The following BNC2 variants were observed in gnomAD, a reference collection of about 807,000 sequenced individuals.
The protein encoded by BNC2 is zinc finger protein basonuclin-2.
A neutral mutation model predicts 76.3 loss-of-function variants in BNC2; 20 were observed. The observed-to-expected ratio is 0.26, with a 90% CI of 0.18 to 0.38. The LOEUF (loss-of-function observed/expected upper bound fraction) is 0.38. Among genes scored for constraint, BNC2 ranks in the 10% least tolerant of loss-of-function variants. The pLI is 1.00. For synonymous variants in BNC2, 582 were observed against 514.8 expected (o/e 1.13, Z -1.77); for missense variants, 1,382 against 1,399.8 (o/e 0.99, Z 0.20).
intron 3 of BNC2, among the ~76,000 whole-genome samples, chr9:16,602,813 C>T (rs1820280594): frequency 6.6e-6 from 1 of 152,178 alleles, no homozygotes; most frequent in South Asian, 2.1e-4. Flanking sequence ...AACATTTTTA[C>T]ATTTCTGTTT....
intron 3 of BNC2, among the ~76,000 whole-genome samples, chr9:16,664,704 C>CAA (rs60928607): frequency 1.8e-4 from 26 of 147,600 alleles, no homozygotes; most frequent in Admixed American, 8.7e-4. Context: ...AAAACAAAAA[C>CAA]AAAAAAAACA....
At chr9:16,793,873 T>G (rs1238288121) in intron 1 of BNC2, among the ~76,000 whole-genome samples, 1 of 143,252 alleles carries the variant, frequency 7.0e-6, no homozygotes, top group African/African-American at 2.5e-5. Context: ...TTTTTGTTTT[T>G]TTTTTTTTTT....
intron 3 of BNC2, among the ~76,000 whole-genome samples, chr9:16,684,867 C>A (rs1224535625): frequency 6.8e-6 from 1 of 147,644 alleles, no homozygotes; most frequent in Non-Finnish European, 1.5e-5. Flanking sequence ...CAAGACCATA[C>A]AAAACGAACT....
At chr9:16,447,145 T>C (rs1275149795) in intron 5 of BNC2, among the ~76,000 whole-genome samples, 1 of 152,146 alleles carries the variant, frequency 6.6e-6, no homozygotes, top group Non-Finnish European at 1.5e-5. Flanking sequence ...AGTTTCAAAA[T>C]AGAAAATACT....
At chr9:16,591,015 G>C (rs543351062) in intron 3 of BNC2, among the ~76,000 whole-genome samples, 3 of 152,158 alleles carry the variant, frequency 2.0e-5, no homozygotes, top group African/African-American at 7.2e-5. Context: ...TATAGGTTGT[G>C]TATGATATGC....
At chr9:16,805,874 T>TA (rs1395457185) in intron 1 of BNC2, among the ~76,000 whole-genome samples, 1 of 152,224 alleles carries the variant, frequency 6.6e-6, no homozygotes, top group Admixed American at 6.5e-5. Context: ...TAAATACTGA[T>TA]ACATTAAGAT....
intron 3 of BNC2, among the ~76,000 whole-genome samples, chr9:16,682,792 C>T (rs547500649): frequency 6.6e-6 from 1 of 152,242 alleles, no homozygotes; most frequent in Non-Finnish European, 1.5e-5. Flanking sequence ...ATCCTGAATT[C>T]CCAACCAAGA....
intron 2 of BNC2, among the ~76,000 whole-genome samples, chr9:16,735,406 A>C (rs368182413): frequency 7.5e-4 from 91 of 121,722 alleles, no homozygotes; most frequent in Middle Eastern, 4.1e-3. Context: ...TAAAAAAAAA[A>C]AAAAAAAAAA....
At chr9:16,639,379 C>G (rs1218610412) in intron 3 of BNC2, among the ~76,000 whole-genome samples, 1 of 152,186 alleles carries the variant, frequency 6.6e-6, no homozygotes, top group African/African-American at 2.4e-5. Flanking sequence ...AGCTCAGTGT[C>G]TGGCATGTTT....
Position 16,418,664 on chromosome 9 carries a change from C to CTGTGTGTGTGTGTGTGTGTGTG in BNC2, c.*303_*324dup, listed in dbSNP as rs139823578. On this transcript the variant is annotated 3_prime_UTR_variant, in exon 7 of 7. Coordinates refer to ENST00000380672, the MANE Select transcript of BNC2 (RefSeq NM_017637.6). ...TGTCAAAACTGGGGCTAGTTGCACA[C>CTGTGTGTGTGTGTGTGTGTGTG]TGTGTGTGTGTGTGTGTGTGTGTGT... 65 of 214,858 alleles carry CTGTGTGTGTGTGTGTGTGTGTG rather than the reference C, an allele frequency of 3.0e-4. No homozygotes were observed. Among genetic ancestry groups the CTGTGTGTGTGTGTGTGTGTGTG allele is most frequent in the African/African-American group, 1.3e-3 (55 of 40,776 alleles). 13.3% of individuals were successfully genotyped at this position (214,858 alleles called of 1,614,324 possible).
chr9:16,812,857 A>T (rs1179475864), intron 1 of BNC2, among the ~76,000 whole-genome samples: 1 of 152,242 alleles, frequency 6.6e-6, no homozygotes, highest in African/African-American at 2.4e-5. Flanking sequence ...ACACACACTT[A>T]GTAGTATATT....
Position 16,436,874 on chromosome 9 carries a change from T to C in BNC2, c.1320A>G (p.Arg440=). ...RRMGSASRKG[R]VFCNACGKTF... ...TCTTCCCACATGCATTACAGAACAC[T>C]CTTCCTTTCCTAGAGGCTGACCCCA... Residue 440 remains arginine (R), a synonymous_variant, in exon 6 of 7, where the codon AGA becomes AGG. Transcript: ENST00000380672. 6.2e-7 allele frequency: 1 copy of C among 1,614,144 alleles called. No homozygotes were observed. The highest frequency in any genetic ancestry group is 1.1e-5 in the South Asian group (1 of 91,078).
rs1449180654 is a variant in BNC2, at chr9:16,791,837, T to C, written c.4-53352A>G. 2.6e-5 allele frequency among the ~76,000 whole-genome samples: 4 copies of C among 152,274 alleles called. No homozygotes were observed. In the East Asian group the frequency reaches 7.7e-4, roughly 29 times the overall value. On this transcript the variant is annotated intron_variant, in intron 1 of 6. Transcript: ENST00000380672. ...TCAACTAGAGGCCAGGCACGGCGGC[T>C]CACACCTGTAACCCCATCACTTTGG...
chr9:16,700,643 G>C (rs1266031949), intron 3 of BNC2, among the ~76,000 whole-genome samples: 2 of 152,070 alleles, frequency 1.3e-5, no homozygotes, highest in Non-Finnish European at 2.9e-5. Context: ...TTACCCCACA[G>C]TCTTTCATAA....
intron 5 of BNC2, among the ~76,000 whole-genome samples, chr9:16,550,808 TAAAG>T (rs1265082126): frequency 6.6e-6 from 1 of 152,198 alleles, no homozygotes; most frequent in East Asian, 1.9e-4. Context: ...TGGTTTGGAA[TAAAG>T]AAAGGACTGT....
intron 1 of BNC2, among the ~76,000 whole-genome samples, chr9:16,850,306 T>C (rs1819099130): frequency 6.6e-6 from 1 of 152,218 alleles, no homozygotes; most frequent in Non-Finnish European, 1.5e-5. Context: ...TGGAATGATA[T>C]TTATAAGCAT....
chr9:16,763,369 T>C (rs1270608002), intron 1 of BNC2, among the ~76,000 whole-genome samples: 1 of 151,832 alleles, frequency 6.6e-6, no homozygotes, highest in Non-Finnish European at 1.5e-5. Context: ...CAAGAGTTCA[T>C]GACCAGCCTG....
intron 3 of BNC2, among the ~76,000 whole-genome samples, chr9:16,656,907 A>G (rs1319163498): frequency 3.9e-5 from 6 of 152,186 alleles, no homozygotes; most frequent in African/African-American, 1.4e-4. Context: ...GTCAGTTGCC[A>G]TTTAAAATTG....
chr9:16,699,067 T>C, intron 3 of BNC2: 3 of 406,082 alleles, frequency 7.4e-6, no homozygotes, highest in South Asian at 5.6e-5. Flanking sequence ...TAAGATGGTA[T>C]TTTTAAGTTA....
Sources: allele counts gnomAD v4.1 joint callset (sites outside exome capture counted in the v4.1 genomes callset), GRCh38; gene constraint gnomAD v4.1.1; transcripts MANE v1.5; gene names NCBI Gene and HGNC (gene_info 2026-07-23, HGNC 2026-07-21).